The following PCDH7 variants were observed in gnomAD, a reference collection of about 807,000 sequenced individuals.
PCDH7 encodes protocadherin-7.
PCDH7 carries 17 observed loss-of-function variants against 58.9 expected under a neutral mutation model. The observed-to-expected ratio is 0.29, with a 90% confidence interval of 0.20 to 0.43. The LOEUF is 0.43. Among genes scored for constraint, PCDH7 ranks in the 20% least tolerant of loss-of-function variants. PCDH7 has a pLI of 1.00. For missense variants in PCDH7, 1,274 were observed against 1,441.0 expected (o/e 0.88, Z 1.88); for synonymous variants, 664 against 616.4 (o/e 1.08, Z -1.14).
chr4:30,975,387 A>C (rs1379961760), intron 3 of PCDH7, among the ~76,000 whole-genome samples: 1 of 152,112 alleles, frequency 6.6e-6, no homozygotes, highest in Non-Finnish European at 1.5e-5. Flanking sequence ...TTTCTCCTTC[A>C]TGACTAATAT....
At chr4:30,802,764 TG>T (rs1725690365) in intron 1 of PCDH7, among the ~76,000 whole-genome samples, 1 of 151,972 alleles carries the variant, frequency 6.6e-6, no homozygotes, top group Non-Finnish European at 1.5e-5. Context: ...AGCTGCTGTG[TG>T]GAATGGGAAG....
intron 3 of PCDH7, among the ~76,000 whole-genome samples, chr4:31,087,802 ATACTT>A (rs1388954967): frequency 3.9e-5 from 6 of 152,256 alleles, no homozygotes; most frequent in Non-Finnish European, 8.8e-5. Context: ...GGAAAGTTCT[ATACTT>A]TAGTTTTCTG....
At chr4:31,141,165 A>G (rs1406161714) in intron 3 of PCDH7, among the ~76,000 whole-genome samples, 1 of 152,258 alleles carries the variant, frequency 6.6e-6, no homozygotes, top group Non-Finnish European at 1.5e-5. Context: ...GTGTGGAAGC[A>G]AAAGCAGAAA....
chr4:31,079,363 TAC>T (rs35994111), intron 3 of PCDH7, among the ~76,000 whole-genome samples: 1,599 of 79,892 alleles, frequency 0.02, 131 homozygotes, highest in African/African-American at 0.05. Context: ...TATATATATA[TAC>T]ACCACATTTT....
chr4:31,069,231 A>G (rs1019174530), intron 3 of PCDH7, among the ~76,000 whole-genome samples: 4 of 152,024 alleles, frequency 2.6e-5, no homozygotes, highest in African/African-American at 9.7e-5. Flanking sequence ...CCCTATGCCA[A>G]CTGTTGCAGA....
At chr4:31,068,568 G>C (rs1209664921) in intron 3 of PCDH7, among the ~76,000 whole-genome samples, 1 of 151,874 alleles carries the variant, frequency 6.6e-6, no homozygotes, top group East Asian at 1.9e-4. Flanking sequence ...AAATTGCTGT[G>C]GCCAAATTTT....
intron 1 of PCDH7, among the ~76,000 whole-genome samples, chr4:30,789,593 T>C (rs1723843692): frequency 6.6e-6 from 1 of 152,134 alleles, no homozygotes; most frequent in South Asian, 2.1e-4. Context: ...AATGAAAGCA[T>C]GTATAGAGGG....
chr4:30,902,218 T>G (rs1369741945), intron 1 of PCDH7, among the ~76,000 whole-genome samples: 2 of 152,196 alleles, frequency 1.3e-5, no homozygotes, highest in East Asian at 3.8e-4. Flanking sequence ...TTAATCATTA[T>G]CCACTGGAAA....
intron 3 of PCDH7, among the ~76,000 whole-genome samples, chr4:30,960,563 T>C (rs752833383): frequency 3.1e-4 from 47 of 152,208 alleles, no homozygotes; most frequent in Non-Finnish European, 6.0e-4. Context: ...TTATAGGATA[T>C]ATTTTATGCT....
intron 3 of PCDH7, among the ~76,000 whole-genome samples, chr4:31,000,857 C>A (rs553518747): frequency 4.6e-5 from 7 of 152,102 alleles, no homozygotes; most frequent in African/African-American, 1.7e-4. Context: ...AATGGAGGAG[C>A]TATTACTATT....
chr4:30,882,100 C>T (rs1737044745), intron 1 of PCDH7, among the ~76,000 whole-genome samples: 1 of 146,416 alleles, frequency 6.8e-6, no homozygotes, highest in Non-Finnish European at 1.5e-5. Context: ...CTTCCTCCCC[C>T]TCCTCCCCCT....
chr4:31,015,277 A>T (rs1317328978), intron 3 of PCDH7, among the ~76,000 whole-genome samples: 2 of 152,200 alleles, frequency 1.3e-5, no homozygotes, highest in African/African-American at 4.8e-5. Flanking sequence ...TTGTGCAAAT[A>T]AATCCAATCC....
At chr4:30,755,591 T>G (rs1719188489) in intron 1 of PCDH7, among the ~76,000 whole-genome samples, 2 of 152,172 alleles carry the variant, frequency 1.3e-5, no homozygotes. Flanking sequence ...CTCCTGTAGT[T>G]ATCATAACAA....
At position 30,948,116 on chromosome 4, in the gene PCDH7, G is replaced by A. The variant is rs150957086; in HGVS notation, c.288-2004G>A. On this transcript the variant is annotated intron_variant, in intron 2 of 3. Transcript: ENST00000509759. The stretch of plus-strand genomic sequence containing the variant: ...CTTAATAAATTATCAGTGTTTTTCT[G>A]TGTTTTCTGTGTATATATTTACTTT... 4.2e-3 allele frequency among the ~76,000 whole-genome samples: 634 copies of A among 151,790 alleles called. 3 individuals carry two copies. The highest frequency in any genetic ancestry group is 5.0e-3 in the Non-Finnish European group (341 of 67,900).
chr4:30,816,566 CTT>C (rs974680581), intron 1 of PCDH7, among the ~76,000 whole-genome samples: 7 of 151,030 alleles, frequency 4.6e-5, no homozygotes, highest in African/African-American at 1.5e-4. Flanking sequence ...TTTAACTTCT[CTT>C]AAATTTGGGG....
At chr4:30,888,929 C>G (rs1738215921) in intron 1 of PCDH7, among the ~76,000 whole-genome samples, 1 of 151,770 alleles carries the variant, frequency 6.6e-6, no homozygotes, top group Admixed American at 6.6e-5. Context: ...GCCTGTAATT[C>G]CAGCAATTTG....
intron 1 of PCDH7, among the ~76,000 whole-genome samples, chr4:30,826,317 T>C (rs1729085821): frequency 6.6e-6 from 1 of 152,186 alleles, no homozygotes; most frequent in South Asian, 2.1e-4. Context: ...GGACATGGAT[T>C]ATATACATAA....
intron 3 of PCDH7, among the ~76,000 whole-genome samples, chr4:31,050,825 A>C (rs1301857579): frequency 6.6e-6 from 1 of 152,158 alleles, no homozygotes; most frequent in Non-Finnish European, 1.5e-5. Flanking sequence ...TTCCTCAAAA[A>C]TCCTGTGAAT....
intron 3 of PCDH7, among the ~76,000 whole-genome samples, chr4:30,998,552 G>T (rs533828449): frequency 2.0e-5 from 3 of 152,030 alleles, no homozygotes; most frequent in South Asian, 2.1e-4. Context: ...ACATCACCTG[G>T]CCAAAAATGC....
Sources: allele counts gnomAD v4.1 joint callset (sites outside exome capture counted in the v4.1 genomes callset), GRCh38; gene constraint gnomAD v4.1.1; transcripts MANE v1.5; gene names NCBI Gene and HGNC (gene_info 2026-07-23, HGNC 2026-07-21).